The following PTPN9 variants were observed in gnomAD, a reference collection of about 807,000 sequenced individuals.
PTPN9 encodes tyrosine-protein phosphatase non-receptor type 9.
In PTPN9, 26 loss-of-function variants were observed where a neutral mutation model predicts 69.8. The ratio of observed to expected loss-of-function variants is 0.37; its 90% CI spans 0.27 to 0.52. The LOEUF (loss-of-function observed/expected upper bound fraction) is 0.52. Among genes scored for constraint, PTPN9 ranks in the 20% least tolerant of loss-of-function variants. The pLI is 0.91. For synonymous variants in PTPN9, 274 were observed against 272.5 expected (o/e 1.01, Z -0.05); for missense variants, 549 against 740.3 (o/e 0.74, Z 3.00).
intron 1 of PTPN9, among the ~76,000 whole-genome samples, chr15:75,543,712 C>T (rs149895878): frequency 4.6e-5 from 7 of 152,142 alleles, no homozygotes; most frequent in Middle Eastern, 3.4e-3. Flanking sequence ...AAGTTTAAAT[C>T]GTATGACTAT....
chr15:75,525,537 T>C (rs2074923678), intron 2 of PTPN9, among the ~76,000 whole-genome samples: 1 of 151,674 alleles, frequency 6.6e-6, no homozygotes, highest in Admixed American at 6.6e-5. Context: ...CACCTACACT[T>C]CCTTTTTCCG....
At chr15:75,558,073 T>C (rs2075085211) in intron 1 of PTPN9, among the ~76,000 whole-genome samples, 4 of 152,146 alleles carry the variant, frequency 2.6e-5, no homozygotes, top group Admixed American at 2.6e-4. Context: ...CTCACACCTG[T>C]AATCCCAGCA....
intron 9 of PTPN9, among the ~76,000 whole-genome samples, chr15:75,474,765 C>A (rs948502058): frequency 6.6e-6 from 1 of 152,288 alleles, no homozygotes; most frequent in African/African-American, 2.4e-5. Context: ...GACACAAAGA[C>A]CACGTCATCT....
In PTPN9 at chr15:75,465,108, A is replaced by T. The variant is rs2074531523; in HGVS notation, c.*3661T>A. The stretch of plus-strand genomic sequence containing the variant: ...TGAACACTGTCTTTCTTTTTTATTT[A>T]TTTATTTTTTTTGAGATGGAGTTTT... On this transcript the variant is annotated 3_prime_UTR_variant, in exon 13 of 13. Coordinates refer to ENST00000618819, the MANE Select transcript of PTPN9 (RefSeq NM_002833.4). 2.6e-5 allele frequency: 4 copies of T among 151,852 alleles called. No homozygotes were observed. The allele number at this position is 151,852 out of a possible 1,614,324, so 9.4% of individuals were successfully genotyped here.
At chr15:75,539,855 G>C (rs557149857) in intron 1 of PTPN9, among the ~76,000 whole-genome samples, 1 of 151,996 alleles carries the variant, frequency 6.6e-6, no homozygotes, top group South Asian at 2.1e-4. Flanking sequence ...ATTTTTAGTG[G>C]AGACGGGGTT....
At chr15:75,515,213 G>A (rs918261729) in intron 5 of PTPN9, among the ~76,000 whole-genome samples, 1 of 150,304 alleles carries the variant, frequency 6.7e-6, no homozygotes, top group Non-Finnish European at 1.5e-5. Flanking sequence ...AGTTCACAAG[G>A]TGAGGAGATC....
intron 1 of PTPN9, among the ~76,000 whole-genome samples, chr15:75,558,662 G>A (rs1467894877): frequency 6.6e-6 from 1 of 152,220 alleles, no homozygotes; most frequent in East Asian, 1.9e-4. Flanking sequence ...CCGAGTGCCT[G>A]CGACTGCAGG....
intron 7 of PTPN9, among the ~76,000 whole-genome samples, chr15:75,503,328 A>G (rs2074785363): frequency 7.9e-6 from 1 of 126,138 alleles, no homozygotes. Context: ...CCCGGTCGCG[A>G]CCCCGTCTGG....
chr15:75,541,348 G>A (rs1227264489), intron 1 of PTPN9, among the ~76,000 whole-genome samples: 5 of 151,504 alleles, frequency 3.3e-5, no homozygotes, highest in African/African-American at 4.8e-5. Flanking sequence ...CTACTGAAGC[G>A]CTGGGATTAC....
chr15:75,550,440 A>T (rs912701369), intron 1 of PTPN9, among the ~76,000 whole-genome samples: 3 of 145,848 alleles, frequency 2.1e-5, no homozygotes, highest in Admixed American at 6.8e-5. Flanking sequence ...TGCTGGGATT[A>T]CAGGCGTGAG....
chr15:75,504,668 C>A (rs1171796678), intron 7 of PTPN9, among the ~76,000 whole-genome samples: 1 of 142,688 alleles, frequency 7.0e-6, no homozygotes, highest in African/African-American at 2.6e-5. Context: ...CCCGGCCAGC[C>A]GCCCTGTCCG....
chr15:75,472,871 C>G (rs1250594558), intron 10 of PTPN9, among the ~76,000 whole-genome samples: 1 of 151,668 alleles, frequency 6.6e-6, no homozygotes, highest in African/African-American at 2.4e-5. Context: ...TTGCTTGAAC[C>G]TGGGAGACGG....
At chr15:75,497,962 G>C (rs2074752224) in intron 7 of PTPN9, among the ~76,000 whole-genome samples, 1 of 151,572 alleles carries the variant, frequency 6.6e-6, no homozygotes. Context: ...GGCTGAGGCT[G>C]GCGGATCACC....
Position 75,517,364 on chromosome 15 carries a change from G to A in PTPN9, c.423C>T (p.Ser141=). 6.2e-7 allele frequency: 1 copy of A among 1,609,572 alleles called. No individual in the cohort carries two copies. The highest frequency in any genetic ancestry group is 8.5e-7 in the Non-Finnish European group (1 of 1,177,094). The change falls in exon 5 of 13, where the codon AGC becomes AGT. Residue 141 remains serine, a splice_region_variant and synonymous_variant. Coordinates refer to ENST00000618819, the MANE Select transcript of PTPN9 (RefSeq NM_002833.4). The part of the protein sequence containing the change: ...LFYLLDRAVD[S]FETQRNGLVF... The stretch of plus-strand genomic sequence containing the variant: ...CCAGTCCATTCCTCTGAGTTTCAAA[G>A]CTGTAAATCAACCATTGAACAAAAA...
At chr15:75,558,272 G>A (rs941953824) in intron 1 of PTPN9, among the ~76,000 whole-genome samples, 2 of 152,006 alleles carry the variant, frequency 1.3e-5, no homozygotes, top group Non-Finnish European at 2.9e-5. Flanking sequence ...AGGCTGCAGT[G>A]AGCCGAGATT....
chr15:75,564,106 T>G (rs1321956920), intron 1 of PTPN9, among the ~76,000 whole-genome samples: 1 of 151,296 alleles, frequency 6.6e-6, no homozygotes, highest in African/African-American at 2.4e-5. Flanking sequence ...AGAGATAAGG[T>G]CTCACTTTGT....
At chr15:75,487,998 TTTGCC>T (rs1167295814) in intron 8 of PTPN9, among the ~76,000 whole-genome samples, 2 of 152,236 alleles carry the variant, frequency 1.3e-5, no homozygotes, top group African/African-American at 4.8e-5. Context: ...ATTACTTTAC[TTTGCC>T]GGCGCAGTGG....
intron 1 of PTPN9, among the ~76,000 whole-genome samples, chr15:75,530,820 TA>T (rs2074959828): frequency 1.0e-5 from 1 of 99,930 alleles, no homozygotes; most frequent in Admixed American, 1.7e-4. Context: ...TATCATAATA[TA>T]ATATAATATA....
At chr15:75,498,844 A>G (rs2074757884) in intron 7 of PTPN9, among the ~76,000 whole-genome samples, 1 of 152,250 alleles carries the variant, frequency 6.6e-6, no homozygotes, top group African/African-American at 2.4e-5. Flanking sequence ...TATCTTGATT[A>G]TGGTGACAGA....
Sources: allele counts gnomAD v4.1 joint callset (sites outside exome capture counted in the v4.1 genomes callset), GRCh38; gene constraint gnomAD v4.1.1; transcripts MANE v1.5; gene names NCBI Gene and HGNC (gene_info 2026-07-23, HGNC 2026-07-21).